The following MINAR1 variants were observed in gnomAD, a reference collection of about 807,000 sequenced individuals.
MINAR1 encodes major intrinsically disordered Notch2-binding receptor 1.
Under a neutral mutation model 65.1 loss-of-function variants are expected in MINAR1, and 40 were observed. The ratio of observed to expected loss-of-function variants is 0.61; its 90% CI spans 0.48 to 0.80. The LOEUF (loss-of-function observed/expected upper bound fraction) is 0.80, where lower values mean the gene tolerates loss of function less well. MINAR1 is among the 30% of genes least tolerant of loss of function. The pLI is 0.00. For synonymous variants in MINAR1, 482 were observed against 449.1 expected (o/e 1.07, Z -0.93); for missense variants, 1,128 against 1,148.0 (o/e 0.98, Z 0.25).
At position 79,452,742 on chromosome 15, in the gene MINAR1, G is replaced by GT. The variant is rs1555428534; in HGVS notation, c.-50-3356_-50-3355insT. ...TGTGGGTGAGTCTGTGTGGGTGTGT[G>GT]GGGGGGGTGTGTGGGTGAGTGAAGC... On this transcript the variant is annotated intron_variant, in intron 1 of 3. Coordinates refer to ENST00000305428, the MANE Select transcript of MINAR1 (RefSeq NM_015206.3). 1.4e-3 allele frequency among the ~76,000 whole-genome samples: 122 copies of GT among 85,444 alleles called. 1 individual carries two copies. Among genetic ancestry groups the GT allele is most frequent in the Middle Eastern group, 6.6e-3 (1 of 152 alleles). 56.1% of individuals were successfully genotyped at this position (85,444 alleles called of 152,430 possible).
At chr15:79,460,140 T>G (rs1895595085) in intron 2 of MINAR1, among the ~76,000 whole-genome samples, 1 of 152,206 alleles carries the variant, frequency 6.6e-6, no homozygotes, top group African/African-American at 2.4e-5. Context: ...TTGCTAACAC[T>G]GGGGATGCAT....
At chr15:79,413,036 A>C in the MINAR1 span, 1 of 152,180 alleles carries the variant, frequency 6.6e-6, no homozygotes, top group African/African-American at 2.4e-5. Context: ...CCTCAAGGTC[A>C]TCAAATAGGA....
chr15:79,457,508 A>C lies in MINAR1; in HGVS notation c.1361A>C (p.Lys454Thr). 1.9e-6 allele frequency: 3 copies of C among 1,614,206 alleles called. No individual in the cohort carries two copies. Among genetic ancestry groups the C allele is most frequent in the Non-Finnish European group, 2.5e-6 (3 of 1,180,030 alleles). The change falls in exon 2 of 4, where the codon AAG (lysine) becomes ACG (threonine). Residue 454 changes from lysine (K) to threonine (T), a missense_variant. Physicochemically the swap from Lys to Thr is moderately conservative, Grantham distance 78. Coordinates refer to ENST00000305428, the MANE Select transcript of MINAR1 (RefSeq NM_015206.3). ...VDLEKHEPVK[K>T]FKDKSINCTS... is the part of the protein sequence containing the mutation. The stretch of plus-strand genomic sequence containing the variant: ...CTGGAGAAGCATGAACCAGTCAAAA[A>C]GTTTAAAGACAAGAGCATTAACTGC...
At chr15:79,442,935 T>C (rs1183433744) in intron 1 of MINAR1, among the ~76,000 whole-genome samples, 1 of 152,172 alleles carries the variant, frequency 6.6e-6, no homozygotes, top group Non-Finnish European at 1.5e-5. Context: ...TATGATATAG[T>C]TCAAGTCCCA....
Position 79,468,860 on chromosome 15 carries a change from G to A in MINAR1, c.*476G>A, listed in dbSNP as rs1334695440. On this transcript the variant is annotated 3_prime_UTR_variant, in exon 4 of 4. Coordinates refer to ENST00000305428, the MANE Select transcript of MINAR1 (RefSeq NM_015206.3). ...AGACCATTGCTGGTGAAGTAACAGG[G>A]TGTGTGTCCCTAAAGGGTATTACTT... 1 of 175,018 alleles carries A rather than the reference G, an allele frequency of 5.7e-6. No homozygotes were observed. The highest frequency in any genetic ancestry group is 1.2e-5 in the Non-Finnish European group (1 of 80,610). 10.8% of individuals were successfully genotyped at this position (175,018 alleles called of 1,614,324 possible).
rs61750761 is a variant in MINAR1, at chr15:79,456,900, G to A, written c.753G>A (p.Gln251=). 1,183 of 1,614,168 alleles carry A rather than the reference G, an allele frequency of 7.3e-4. 6 individuals carry two copies. The African/African-American group carries it at 0.013, about 18-fold the overall frequency. The change falls in exon 2 of 4, where the codon CAG becomes CAA. Residue 251 remains glutamine, a synonymous_variant. Coordinates refer to ENST00000305428, the MANE Select transcript of MINAR1 (RefSeq NM_015206.3). ...FISNEEPFVV[Q]SCVQKRNIFK... ...CCAATGAGGAGCCATTTGTGGTCCA[G>A]TCCTGTGTCCAGAAAAGGAATATCT...
At chr15:79,418,176 T>C in the MINAR1 span, 1 of 152,220 alleles carries the variant, frequency 6.6e-6, no homozygotes, top group Non-Finnish European at 1.5e-5. Context: ...CCCACTCCTT[T>C]GATCACACAC....
chr15:79,435,734 G>A lies in MINAR1; in HGVS notation c.-51+3194G>A, dbSNP rs568887720. Among the ~76,000 whole-genome samples, 275 of 152,328 alleles carry A rather than the reference G, an allele frequency of 1.8e-3. 3 individuals carry two copies. The highest frequency in any genetic ancestry group is 6.5e-3 in the African/African-American group (270 of 41,576). On this transcript the variant is annotated intron_variant, in intron 1 of 3. Transcript: ENST00000305428. ...CTATGGTGGAAATCTTAGGAGAGCA[G>A]GGACTTTGATTTATTTGTTGCTATA...
upstream of MINAR1, among the ~76,000 whole-genome samples, chr15:79,430,177 T>G (rs112442126): frequency 1.1e-3 from 165 of 152,294 alleles, no homozygotes; most frequent in African/African-American, 3.6e-3. Flanking sequence ...TTAAAAGTTG[T>G]TTTCCAAAAG....
chr15:79,443,158 G>A (rs1327820828), intron 1 of MINAR1, among the ~76,000 whole-genome samples: 1 of 152,208 alleles, frequency 6.6e-6, no homozygotes, highest in African/African-American at 2.4e-5. Context: ...TAGAAACAGA[G>A]GGAACAAACG....
In MINAR1 at chr15:79,468,941, A is replaced by G. The variant is rs1895974610; in HGVS notation, c.*557A>G. On this transcript the variant is annotated 3_prime_UTR_variant, in exon 4 of 4. Transcript: ENST00000305428. The stretch of plus-strand genomic sequence containing the variant: ...GTTTCATTCTTGCCCTTTTGTCATC[A>G]ACACGACAGAGTGTCTGCATCACTG... 1.9e-5 allele frequency: 3 copies of G among 160,572 alleles called. No individual in the cohort carries two copies. The highest frequency in any genetic ancestry group is 1.7e-4 in the Admixed American group (3 of 17,316). The allele number at this position is 160,572 out of a possible 1,614,324, so 9.9% of individuals were successfully genotyped here. A position where few individuals can be genotyped will look rare whatever the true frequency, so the allele number is the denominator to read the frequency against.
chr15:79,463,306 A>T lies in MINAR1; in HGVS notation c.2538A>T (p.Thr846=). ...ATGCGGGCGACAAGGGCAAGCTGACAGCCCTGGACCTGCAGGTGAGCCTCT... is the reference window on the plus strand; with the variant it reads ...ATGCGGGCGACAAGGGCAAGCTGACTGCCCTGGACCTGCAGGTGAGCCTCT... ...ARNAGDKGKL[T]ALDLQTQESL... The change falls in exon 3 of 4, where the codon ACA becomes ACT. Residue 846 remains threonine (T), a synonymous_variant. Transcript: ENST00000305428. The T allele has an allele frequency of 6.2e-7, 1 of 1,613,246 alleles. No individual in the cohort carries two copies. Among genetic ancestry groups the T allele is most frequent in the Non-Finnish European group, 8.5e-7 (1 of 1,179,302 alleles).
At chr15:79,455,969 T>C (rs1394023292) in intron 1 of MINAR1, 129 bp from the exon 2 acceptor site, 12 of 597,374 alleles carry the variant, frequency 2.0e-5, no homozygotes, top group East Asian at 1.9e-4. Flanking sequence ...ACTGTCCTTA[T>C]TACATTTTTA....
chr15:79,467,245 G>A (rs1418443071), intron 3 of MINAR1, among the ~76,000 whole-genome samples: 2 of 152,200 alleles, frequency 1.3e-5, no homozygotes, highest in African/African-American at 2.4e-5. Context: ...ATGTGCCCAT[G>A]TTTATGAGCA....
intron 1 of MINAR1, among the ~76,000 whole-genome samples, chr15:79,433,255 G>T (rs775172048): frequency 3.3e-5 from 5 of 152,174 alleles, no homozygotes; most frequent in Non-Finnish European, 7.4e-5. Flanking sequence ...CCCCTCGCCG[G>T]CGGTGCGGGG....
At position 79,471,678 on chromosome 15, in the gene MINAR1, CAAGAT is replaced by C. The variant is rs1004618201; in HGVS notation, c.*3299_*3303del. ...AGTGCTGTTTCTGTTTACAAGTTAT[CAAGAT>C]AAGAGCAGTGGCATCACATTTGTTG... On this transcript the variant is annotated 3_prime_UTR_variant, in exon 4 of 4. Transcript: ENST00000305428. 8 of 151,484 alleles carry C rather than the reference CAAGAT, an allele frequency of 5.3e-5. No individual in the cohort carries two copies. Among genetic ancestry groups the C allele is most frequent in the African/African-American group, 1.5e-4 (6 of 41,136 alleles). The allele number at this position is 151,484 out of a possible 1,614,324, so 9.4% of individuals were successfully genotyped here.
chr15:79,458,536 A>G, intron 2 of MINAR1, 91 bp downstream of exon 2: 3 of 1,458,968 alleles, frequency 2.1e-6, no homozygotes, highest in Non-Finnish European at 2.8e-6. Context: ...TAAACAGGCA[A>G]GAGGCCTGGC....
upstream of MINAR1, chr15:79,427,528 G>C (rs1894342044): frequency 6.6e-6 from 1 of 152,096 alleles, no homozygotes; most frequent in African/African-American, 2.4e-5. Context: ...TTAAGAGCTG[G>C]GGAGTGGCTC....
intron 1 of MINAR1, among the ~76,000 whole-genome samples, chr15:79,434,359 C>A (rs572713477): frequency 6.6e-6 from 1 of 152,188 alleles, no homozygotes; most frequent in Non-Finnish European, 1.5e-5. Context: ...TTTATGAACT[C>A]TCTGATACTC....
Sources: gnomAD v4.1 joint callset for allele counts (sites outside exome capture counted in the v4.1 genomes callset) on GRCh38, gnomAD v4.1.1 for gene constraint, MANE v1.5 for transcripts, NCBI Gene and HGNC (gene_info 2026-07-23, HGNC 2026-07-21) for gene names.